The following HGSNAT variants were observed in gnomAD, a reference collection of about 807,000 sequenced individuals.
HGSNAT encodes the protein transmembrane protein 76.
In HGSNAT, 59 loss-of-function variants were observed where a neutral mutation model predicts 85.2. The ratio of observed to expected loss-of-function variants is 0.69; its 90% CI spans 0.56 to 0.86. HGSNAT has a LOEUF of 0.86. Among genes scored for constraint, HGSNAT ranks in the 40% least tolerant of loss-of-function variants. The probability of loss-of-function intolerance (pLI) is 0.00; values close to 1 mark genes in which losing one functional copy is unlikely to be tolerated. For missense variants in HGSNAT, 756 were observed against 777.1 expected, an observed-to-expected ratio of 0.97 and a Z score of 0.32; for synonymous variants, 321 against 304.5, an observed-to-expected ratio of 1.05 and a Z score of -0.56.
chr8:43,158,405 T>A (rs191608673), intron 2 of HGSNAT, among the ~76,000 whole-genome samples, 170 bp from the exon 3 acceptor site: 12 of 152,286 alleles, frequency 7.9e-5, no homozygotes, highest in Non-Finnish European at 1.2e-4. Context: ...GCCCAGTCAT[T>A]GTTTTAGTAC....
At chr8:43,176,768 G>T (rs1006521232) in intron 9 of HGSNAT, among the ~76,000 whole-genome samples, 1 of 151,940 alleles carries the variant, frequency 6.6e-6, no homozygotes, top group Non-Finnish European at 1.5e-5. Context: ...TCTCTTCTTT[G>T]GTTAAGTTAA....
At chr8:43,150,859 AAAT>A (rs1439085294) in intron 2 of HGSNAT, among the ~76,000 whole-genome samples, 1 of 151,326 alleles carries the variant, frequency 6.6e-6, no homozygotes, top group Non-Finnish European at 1.5e-5. Flanking sequence ...ATAAATAAAT[AAAT>A]AAATAAAATA....
intron 14 of HGSNAT, among the ~76,000 whole-genome samples, chr8:43,195,512 G>GGAGGAAGAA (rs982799887): frequency 6.8e-6 from 1 of 147,016 alleles, no homozygotes; most frequent in African/African-American, 2.6e-5. Context: ...AGGAGGAGGA[G>GGAGGAAGAA]GAGGAAGAAG....
chr8:43,187,048 T>G (rs1586745502), intron 11 of HGSNAT, among the ~76,000 whole-genome samples: 1 of 152,136 alleles, frequency 6.6e-6, no homozygotes, highest in Non-Finnish European at 1.5e-5. Flanking sequence ...TGCTGAGGAG[T>G]GCTTTACTTC....
chr8:43,183,068 A>C (rs1444541672), intron 11 of HGSNAT, among the ~76,000 whole-genome samples: 1 of 152,236 alleles, frequency 6.6e-6, no homozygotes, highest in Admixed American at 6.5e-5. Context: ...TGTAACGATC[A>C]AATCAGGGTA....
chr8:43,190,895 C>T (rs1351233548), intron 11 of HGSNAT, among the ~76,000 whole-genome samples: 6 of 152,128 alleles, frequency 3.9e-5, no homozygotes, highest in Admixed American at 1.3e-4. Flanking sequence ...CTGCACTAAC[C>T]GCCAGTCACT....
rs775462032 is a variant in HGSNAT, at chr8:43,182,122, G to T, written c.1013-23G>T. 32 of 1,578,518 alleles carry T rather than the reference G, an allele frequency of 2.0e-5. 1 individual carries two copies. The South Asian group carries it at 3.4e-4, about 17-fold the overall frequency. On this transcript the variant is annotated intron_variant, in intron 10 of 17. Coordinates refer to ENST00000379644, the MANE Select transcript of HGSNAT (RefSeq NM_152419.3). ...AGAGGAGAAGTCCTGGCTAACACTT[G>T]ACCTAACTTGTGTCTTTTGCAGTGT...
chr8:43,172,361 G>T lies in HGSNAT; in HGVS notation c.795G>T (p.Trp265Cys). 6.2e-7 allele frequency: 1 copy of T among 1,610,616 alleles called. No individual in the cohort carries two copies. Among genetic ancestry groups the T allele is most frequent in the Non-Finnish European group, 8.5e-7 (1 of 1,176,892 alleles). The change falls in exon 8 of 18, where the codon TGG becomes TGT. Residue 265 changes from tryptophan (W) to cysteine (C), a missense_variant. Transcript: ENST00000379644. ...TCAATTATGGAGGAGGAAAATATTGGTACTTCAAACATGCAAGTTGGAATG... is the reference window on the plus strand; with the variant it reads ...TCAATTATGGAGGAGGAAAATATTGTTACTTCAAACATGCAAGTTGGAATG... ...VFVNYGGGKY[W>C]YFKHASWNGL...
Position 43,199,467 on chromosome 8 carries a change from C to T in HGSNAT, c.1806C>T (p.Asn602=). Residue 602 remains asparagine (N), a synonymous_variant, in exon 18 of 18, where the codon AAC becomes AAT. Transcript: ENST00000379644. ...CCTTTCAGTGGAAGCTGAAGGACAA[C>T]CAGTCCCACAAGGAGCACCTGACTC... The part of the protein sequence containing the change: ...YFPFQWKLKD[N]QSHKEHLTQN... 1 of 1,612,462 alleles carries T rather than the reference C, an allele frequency of 6.2e-7. No homozygotes were observed. Among genetic ancestry groups the T allele is most frequent in the South Asian group, 1.1e-5 (1 of 90,552 alleles).
chr8:43,163,117 G>A (rs1302998374), intron 5 of HGSNAT, among the ~76,000 whole-genome samples: 2 of 152,206 alleles, frequency 1.3e-5, no homozygotes, highest in African/African-American at 4.8e-5. Flanking sequence ...GTTGCAGTGA[G>A]GTGGGAGGGA....
chr8:43,176,786 G>A (rs1298344253), intron 9 of HGSNAT, among the ~76,000 whole-genome samples: 1 of 151,964 alleles, frequency 6.6e-6, no homozygotes, highest in Non-Finnish European at 1.5e-5. Context: ...TAATTTTGAG[G>A]TACTTTATTT....
chr8:43,144,472 A>G (rs934620752), intron 1 of HGSNAT, among the ~76,000 whole-genome samples: 7 of 152,142 alleles, frequency 4.6e-5, no homozygotes, highest in African/African-American at 1.7e-4. Context: ...TAGATGGTCA[A>G]GTTTAGATTT....
At chr8:43,185,444 T>C (rs1563377999) in intron 11 of HGSNAT, among the ~76,000 whole-genome samples, 2 of 152,200 alleles carry the variant, frequency 1.3e-5, no homozygotes, top group Non-Finnish European at 2.9e-5. Context: ...TGTTTGTCTG[T>C]TATTGGTGTA....
chr8:43,170,754 C>T, intron 7 of HGSNAT, 60 bp downstream of exon 7: 2 of 997,110 alleles, frequency 2.0e-6, no homozygotes, highest in Non-Finnish European at 2.9e-6. Flanking sequence ...CATAATTGTA[C>T]ATACACACAC....
chr8:43,181,254 T>C (rs908284204), intron 10 of HGSNAT, among the ~76,000 whole-genome samples: 3 of 144,896 alleles, frequency 2.1e-5, no homozygotes, highest in African/African-American at 7.6e-5. Context: ...CAGCTTTCGA[T>C]AGTGTGCGGC....
At chr8:43,155,409 T>A (rs1803060226) in intron 2 of HGSNAT, among the ~76,000 whole-genome samples, 3 of 152,240 alleles carry the variant, frequency 2.0e-5, no homozygotes, top group African/African-American at 7.2e-5. Flanking sequence ...TAGTTGTATA[T>A]GTCTTTTGAG....
At position 43,178,179 on chromosome 8, in the gene HGSNAT, C is replaced by T; in HGVS notation, c.957C>T (p.Phe319=). 6.3e-7 allele frequency: 1 copy of T among 1,596,292 alleles called. No homozygotes were observed. The highest frequency in any genetic ancestry group is 8.5e-7 in the Non-Finnish European group (1 of 1,173,548). ...TGGGGAAGATTGCATGGAGGAGTTT[C>T]CTGTTAATCTGCATAGGAATTATCA... ...RLLGKIAWRS[F]LLICIGIIIV... The change falls in exon 10 of 18, where the codon TTC becomes TTT. Residue 319 remains phenylalanine, a synonymous_variant. Transcript: ENST00000379644.
chr8:43,174,898 C>T (rs556546569), intron 9 of HGSNAT, among the ~76,000 whole-genome samples: 32 of 152,252 alleles, frequency 2.1e-4, no homozygotes, highest in Middle Eastern at 6.8e-3. Flanking sequence ...TCATTAACCA[C>T]GCCCCCTCCT....
intron 4 of HGSNAT, among the ~76,000 whole-genome samples, chr8:43,160,657 C>A (rs1242166948): frequency 6.6e-6 from 1 of 152,116 alleles, no homozygotes; most frequent in Non-Finnish European, 1.5e-5. Flanking sequence ...TTACTGAAAC[C>A]AGCAACTTAA....
Sources: gnomAD v4.1 joint callset for allele counts (sites outside exome capture counted in the v4.1 genomes callset) on GRCh38, gnomAD v4.1.1 for gene constraint, MANE v1.5 for transcripts, NCBI Gene and HGNC (gene_info 2026-07-23, HGNC 2026-07-21) for gene names.